The following RAPGEF2 variants were observed in gnomAD, a reference collection of about 807,000 sequenced individuals.
RAPGEF2 encodes Rap guanine nucleotide exchange factor 2.
Under a neutral mutation model 186.7 loss-of-function variants are expected in RAPGEF2, and 54 were observed. The ratio of observed to expected loss-of-function variants is 0.29; its 90% CI spans 0.23 to 0.36. The LOEUF (loss-of-function observed/expected upper bound fraction) is 0.36. Among genes scored for constraint, RAPGEF2 ranks in the 10% least tolerant of loss-of-function variants. The probability of loss-of-function intolerance (pLI) is 1.00; values close to 1 mark genes in which losing one functional copy is unlikely to be tolerated. For synonymous variants in RAPGEF2, 712 were observed against 705.9 expected, an observed-to-expected ratio of 1.01 and a Z score of -0.14; for missense variants, 1,532 against 2,045.0, an observed-to-expected ratio of 0.75 and a Z score of 4.84.
intron 4 of RAPGEF2, among the ~76,000 whole-genome samples, chr4:159,220,864 T>A (rs1409024781): frequency 6.6e-6 from 1 of 152,172 alleles, no homozygotes; most frequent in East Asian, 1.9e-4. Flanking sequence ...ACTTGACCTT[T>A]AAAAAAATCA....
At chr4:159,130,562 A>C (rs1304449647) in intron 1 of RAPGEF2, among the ~76,000 whole-genome samples, 2 of 152,110 alleles carry the variant, frequency 1.3e-5, no homozygotes, top group East Asian at 3.9e-4. Flanking sequence ...TATTTTAGAG[A>C]TGAATTTCGG....
intron 25 of RAPGEF2, among the ~76,000 whole-genome samples, chr4:159,348,135 C>T (rs1730604994): frequency 6.6e-6 from 1 of 151,882 alleles, no homozygotes; most frequent in Non-Finnish European, 1.5e-5. Context: ...GCACAAGAAT[C>T]GCTTCAACCT....
intron 7 of RAPGEF2, among the ~76,000 whole-genome samples, chr4:159,272,132 A>G (rs1204457484): frequency 6.6e-6 from 1 of 152,156 alleles, no homozygotes; most frequent in Non-Finnish European, 1.5e-5. Context: ...TTTCTGCCCC[A>G]GTGAACCCTG....
intron 1 of RAPGEF2, among the ~76,000 whole-genome samples, chr4:159,166,771 A>G (rs190028786): frequency 1.9e-3 from 289 of 152,314 alleles, no homozygotes; most frequent in Admixed American, 4.1e-3. Context: ...AAACTTCCTT[A>G]TTTGTGATAC....
In RAPGEF2 at chr4:159,358,152, T is replaced by A. The variant is rs1319674657; in HGVS notation, c.*13T>A. Reference sequence around the variant, plus strand: ...TTCTGCTGTTTGAGGCACAGACTTTTCTGGAAGCAGAGCGAGCCACCTGAA... The same window carrying A: ...TTCTGCTGTTTGAGGCACAGACTTTACTGGAAGCAGAGCGAGCCACCTGAA... On this transcript the variant is annotated 3_prime_UTR_variant, in exon 30 of 30. Coordinates refer to ENST00000691494, the MANE Select transcript of RAPGEF2 (RefSeq NM_001394067.2). 5.6e-6 allele frequency: 9 copies of A among 1,611,018 alleles called. No individual in the cohort carries two copies. The highest frequency in any genetic ancestry group is 7.6e-6 in the Non-Finnish European group (9 of 1,178,586).
chr4:159,124,729 G>A (rs1740095572), intron 1 of RAPGEF2, among the ~76,000 whole-genome samples: 2 of 152,126 alleles, frequency 1.3e-5, no homozygotes, highest in African/African-American at 4.8e-5. Flanking sequence ...ATATAGCCAA[G>A]CAAGGACTAG....
rs1382513472 is a variant in RAPGEF2 at position 159,250,193 on chromosome 4, CAG to C, written c.543+6404_543+6405del. ...ATCTTCCTTTCTTTTAAGTAGAAGA[CAG>C]AAGACAACATATATGGTGCAGTGTG... On this transcript the variant is annotated intron_variant, in intron 7 of 29. Transcript: ENST00000691494. Among the ~76,000 whole-genome samples the C allele has an allele frequency of 2.6e-5, 4 of 152,256 alleles. No homozygotes were observed. In the East Asian group the frequency reaches 5.8e-4, roughly 22 times the overall value.
intron 10 of RAPGEF2, 40 bp from the exon 11 acceptor site, chr4:159,323,419 T>C (rs1281981324): frequency 1.3e-6 from 2 of 1,523,270 alleles, no homozygotes; most frequent in Non-Finnish European, 1.8e-6. Flanking sequence ...TGTATGATCA[T>C]GATGTTACTT....
chr4:159,127,549 C>G (rs1740488065), intron 1 of RAPGEF2, among the ~76,000 whole-genome samples: 1 of 152,142 alleles, frequency 6.6e-6, no homozygotes, highest in Non-Finnish European at 1.5e-5. Flanking sequence ...TGCGTTTCTT[C>G]TGGGCATTCC....
At chr4:159,223,012 A>G (rs1032690649) in intron 4 of RAPGEF2, among the ~76,000 whole-genome samples, 1 of 151,968 alleles carries the variant, frequency 6.6e-6, no homozygotes, top group Admixed American at 6.6e-5. Flanking sequence ...AATTTTTTCC[A>G]TGTATTGTAA....
intron 7 of RAPGEF2, among the ~76,000 whole-genome samples, chr4:159,261,067 A>T (rs1561166082): frequency 7.3e-6 from 1 of 137,800 alleles, no homozygotes; most frequent in African/African-American, 2.7e-5. Flanking sequence ...GAAAAGGTTA[A>T]TTTTTTTTTT....
chr4:159,139,461 C>G (rs1478854592), intron 1 of RAPGEF2, among the ~76,000 whole-genome samples: 1 of 151,798 alleles, frequency 6.6e-6, no homozygotes, highest in Non-Finnish European at 1.5e-5. Context: ...GTAAGACACA[C>G]ATTTAAAGCA....
rs139748419 is a variant in RAPGEF2, at chr4:159,152,064, A to G, written c.70-34578A>G. ...GGGCCAGATGTGATGGTTCACACCTATAATTCTGGCCTTTGGTGAGGCTGA... is the reference window on the plus strand; with the variant it reads ...GGGCCAGATGTGATGGTTCACACCTGTAATTCTGGCCTTTGGTGAGGCTGA... On this transcript the variant is annotated intron_variant, in intron 1 of 29. Transcript: ENST00000691494. 1.9e-3 allele frequency among the ~76,000 whole-genome samples: 292 copies of G among 152,322 alleles called. 1 individual carries two copies. The highest frequency in any genetic ancestry group is 4.6e-3 in the Admixed American group (71 of 15,304).
intron 1 of RAPGEF2, among the ~76,000 whole-genome samples, chr4:159,185,872 A>G (rs1747503430): frequency 6.6e-6 from 1 of 152,186 alleles, no homozygotes; most frequent in Non-Finnish European, 1.5e-5. Context: ...ATTTCTTAAA[A>G]TAGATCTGTT....
At chr4:159,175,421 A>G (rs1197019647) in intron 1 of RAPGEF2, among the ~76,000 whole-genome samples, 1 of 152,060 alleles carries the variant, frequency 6.6e-6, no homozygotes, top group Non-Finnish European at 1.5e-5. Context: ...CAGGCTGGTG[A>G]TATGACATTT....
chr4:159,150,741 A>G (rs1421517289), intron 1 of RAPGEF2, among the ~76,000 whole-genome samples: 1 of 152,236 alleles, frequency 6.6e-6, no homozygotes, highest in Non-Finnish European at 1.5e-5. Flanking sequence ...TGTTCGAGTT[A>G]CAAATAAATT....
chr4:159,127,697 C>G (rs1168675269), intron 1 of RAPGEF2, among the ~76,000 whole-genome samples: 1 of 152,070 alleles, frequency 6.6e-6, no homozygotes, highest in Admixed American at 6.5e-5. Context: ...CTTAAATATT[C>G]AAATGTATAA....
intron 1 of RAPGEF2, among the ~76,000 whole-genome samples, chr4:159,141,961 G>T (rs1346463329): frequency 1.3e-5 from 2 of 152,228 alleles, no homozygotes; most frequent in African/African-American, 2.4e-5. Flanking sequence ...GTATCTCAGT[G>T]TATCACTGTT....
intron 7 of RAPGEF2, among the ~76,000 whole-genome samples, chr4:159,294,671 C>T (rs1426033734): frequency 6.8e-6 from 1 of 146,366 alleles, no homozygotes; most frequent in African/African-American, 2.7e-5. Context: ...TCCTTCCTTC[C>T]TTCCTTCCTT....
Sources: allele counts gnomAD v4.1 joint callset (sites outside exome capture counted in the v4.1 genomes callset), GRCh38; gene constraint gnomAD v4.1.1; transcripts MANE v1.5; gene names NCBI Gene and HGNC (gene_info 2026-07-23, HGNC 2026-07-21).